Variants in LINGO2 observed in about 807,000 individuals in gnomAD.
LINGO2 encodes the protein leucine rich repeat and Ig domain containing 2.
Under a neutral mutation model 30.6 loss-of-function variants are expected in LINGO2, and 14 were observed. The observed-to-expected ratio is 0.46, with a 90% CI of 0.30 to 0.72. The LOEUF is 0.72. Among genes scored for constraint, LINGO2 ranks in the 30% least tolerant of loss-of-function variants. The pLI is 0.07. For missense variants in LINGO2, 729 were observed against 751.7 expected, an observed-to-expected ratio of 0.97 and a Z score of 0.35; for synonymous variants, 317 against 288.5, an observed-to-expected ratio of 1.10 and a Z score of -1.00.
At chr9:28,911,297 T>C in the LINGO2 span, among the ~76,000 whole-genome samples, 10 of 150,456 alleles carry the variant, frequency 6.6e-5, no homozygotes, top group Admixed American at 1.3e-4. Context: ...AATCTTATTT[T>C]AGAAAAATTT....
chr9:28,780,354 T>C, the LINGO2 span, among the ~76,000 whole-genome samples: 3 of 152,182 alleles, frequency 2.0e-5, no homozygotes, highest in African/African-American at 7.2e-5. Flanking sequence ...AAATTTTTTT[T>C]TTCTTTGTAA....
intron 5 of LINGO2, among the ~76,000 whole-genome samples, chr9:27,976,109 A>G (rs1388982766): frequency 6.6e-6 from 1 of 152,124 alleles, no homozygotes; most frequent in African/African-American, 2.4e-5. Context: ...CCTTTGTAAA[A>G]TGGGATACTA....
At chr9:29,138,011 G>A in the LINGO2 span, among the ~76,000 whole-genome samples, 7 of 151,830 alleles carry the variant, frequency 4.6e-5, no homozygotes, top group Non-Finnish European at 7.4e-5. Flanking sequence ...ATATTATTTA[G>A]CACTGGGTGA....
chr9:28,300,327 C>G (rs1824093003), intron 3 of LINGO2, among the ~76,000 whole-genome samples: 1 of 152,008 alleles, frequency 6.6e-6, no homozygotes, highest in African/African-American at 2.4e-5. Flanking sequence ...TTTCAGAACC[C>G]AGCAGGAAGC....
chr9:28,032,590 A>G (rs993146644), intron 4 of LINGO2, among the ~76,000 whole-genome samples: 1 of 152,228 alleles, frequency 6.6e-6, no homozygotes, highest in Non-Finnish European at 1.5e-5. Flanking sequence ...AGGAGGCAAC[A>G]TAAATGTTTT....
the LINGO2 span, among the ~76,000 whole-genome samples, chr9:28,864,013 G>A: frequency 6.6e-6 from 1 of 151,880 alleles, no homozygotes; most frequent in Non-Finnish European, 1.5e-5. Context: ...AAAATAAAAG[G>A]GCATGGTTAT....
chr9:28,560,012 C>T (rs537030374), intron 1 of LINGO2, among the ~76,000 whole-genome samples: 16 of 151,802 alleles, frequency 1.1e-4, no homozygotes, highest in African/African-American at 3.4e-4. Context: ...CCACATGCAG[C>T]CTCCTACTCA....
chr9:28,659,996 G>T (rs1202253784), intron 1 of LINGO2, among the ~76,000 whole-genome samples: 3 of 152,090 alleles, frequency 2.0e-5, no homozygotes, highest in Non-Finnish European at 4.4e-5. Flanking sequence ...AAAAATGTCA[G>T]ATAGAAAAAG....
chr9:28,043,622 A>G (rs1824289963), intron 4 of LINGO2, among the ~76,000 whole-genome samples: 1 of 152,216 alleles, frequency 6.6e-6, no homozygotes. Context: ...AACATATACA[A>G]AACTATGAAA....
At chr9:29,089,904 C>T in the LINGO2 span, among the ~76,000 whole-genome samples, 970 of 152,128 alleles carry the variant, frequency 6.4e-3, 2 homozygotes, top group Non-Finnish European at 0.011. Flanking sequence ...GTTTTGTTGA[C>T]TGCTATATCT....
the LINGO2 span, among the ~76,000 whole-genome samples, chr9:29,131,356 C>T: frequency 6.6e-6 from 1 of 152,076 alleles, no homozygotes; most frequent in Admixed American, 6.6e-5. Flanking sequence ...TTAATGGATT[C>T]TGGGTATTTA....
chr9:29,088,632 A>G, the LINGO2 span, among the ~76,000 whole-genome samples: 3 of 152,190 alleles, frequency 2.0e-5, no homozygotes, highest in African/African-American at 7.2e-5. Flanking sequence ...TGAAAATAAT[A>G]CCTACACAGA....
At chr9:28,532,689 C>T (rs1394410314) in intron 1 of LINGO2, among the ~76,000 whole-genome samples, 1 of 152,046 alleles carries the variant, frequency 6.6e-6, no homozygotes, top group East Asian at 1.9e-4. Flanking sequence ...CCAAGCAGTT[C>T]ATCCTGAGAA....
At chr9:28,997,882 T>C in the LINGO2 span, among the ~76,000 whole-genome samples, 58 of 152,180 alleles carry the variant, frequency 3.8e-4, no homozygotes, top group African/African-American at 1.3e-3. Context: ...TTGTCACTTA[T>C]GTCCTTTTAT....
At chr9:28,579,061 C>CT (rs34468047) in intron 1 of LINGO2, among the ~76,000 whole-genome samples, 58,001 of 149,882 alleles carry the variant, frequency 0.39, 11,316 homozygotes, top group Admixed American at 0.51. Context: ...CATAAGAGCT[C>CT]TTTTTTTTTT....
At chr9:28,474,576 C>T (rs1825654775) in intron 2 of LINGO2, among the ~76,000 whole-genome samples, 1 of 152,046 alleles carries the variant, frequency 6.6e-6, no homozygotes, top group Non-Finnish European at 1.5e-5. Context: ...TAATTTTTGT[C>T]ATTTTTCATT....
At chr9:28,102,704 G>T (rs555089628) in intron 4 of LINGO2, among the ~76,000 whole-genome samples, 1 of 152,128 alleles carries the variant, frequency 6.6e-6, no homozygotes, top group East Asian at 1.9e-4. Flanking sequence ...ACCATAAAGA[G>T]CCATACGAGT....
At chr9:29,167,299 T>C in the LINGO2 span, among the ~76,000 whole-genome samples, 2 of 152,126 alleles carry the variant, frequency 1.3e-5, no homozygotes, top group Admixed American at 1.3e-4. Flanking sequence ...CCTCAGGTAC[T>C]AAGAATATTC....
intron 2 of LINGO2, among the ~76,000 whole-genome samples, chr9:28,427,793 T>G (rs1005521112): frequency 6.6e-6 from 1 of 152,098 alleles, no homozygotes; most frequent in African/African-American, 2.4e-5. Context: ...GAAACATCAC[T>G]CCTTTGTTAG....
Sources: allele counts gnomAD v4.1 joint callset (sites outside exome capture counted in the v4.1 genomes callset), GRCh38; gene constraint gnomAD v4.1.1; transcripts MANE v1.5; gene names NCBI Gene and HGNC (gene_info 2026-07-23, HGNC 2026-07-21).